DENND4A: variants seen among roughly 807,000 people sequenced by gnomAD.
DENND4A encodes DENN domain containing 4A.
In DENND4A, 70 loss-of-function variants were observed where a neutral mutation model predicts 199.3. The observed-to-expected ratio is 0.35, with a 90% confidence interval of 0.29 to 0.43. The LOEUF (loss-of-function observed/expected upper bound fraction) is 0.43. DENND4A is among the 20% of genes least tolerant of loss of function. The pLI, the probability that DENND4A is intolerant of heterozygous loss-of-function variation, is 1.00. For missense variants in DENND4A, 1,723 were observed against 2,255.8 expected (o/e 0.76, Z 4.78); for synonymous variants, 686 against 766.9 (o/e 0.89, Z 1.74).
Position 65,702,756 on chromosome 15 carries a change from G to T in DENND4A, c.2223+117C>A, listed in dbSNP as rs937204995. ...TGCTCCATCTTCACAGTGCTTTGGT[G>T]AACATAATAATCTAGTAATAGTTAT... On this transcript the variant is annotated intron_variant, in intron 16 of 32. Transcript: ENST00000443035. The T allele has an allele frequency of 3.7e-5, 40 of 1,079,680 alleles. No homozygotes were observed. In the East Asian group the frequency reaches 8.8e-4, roughly 24 times the overall value. 66.9% of individuals were successfully genotyped at this position (1,079,680 alleles called of 1,614,324 possible).
At chr15:65,788,190 C>T (rs1363548746) in intron 1 of DENND4A, among the ~76,000 whole-genome samples, 1 of 152,012 alleles carries the variant, frequency 6.6e-6, no homozygotes, top group African/African-American at 2.4e-5. Context: ...CATTCTCCTG[C>T]CTCAGCCTCC....
At chr15:65,791,637 G>A (rs2077727400) in intron 1 of DENND4A, among the ~76,000 whole-genome samples, 1 of 152,106 alleles carries the variant, frequency 6.6e-6, no homozygotes, top group Admixed American at 6.5e-5. Context: ...TGGGATTCCG[G>A]GAAGCCACCT....
intron 20 of DENND4A, among the ~76,000 whole-genome samples, chr15:65,699,409 ATTTTT>A (rs963031900): frequency 6.6e-6 from 1 of 151,994 alleles, no homozygotes; most frequent in African/African-American, 2.4e-5. Flanking sequence ...TAAATAATTT[ATTTTT>A]AAGTGTGTCA....
At chr15:65,757,275 G>GGGC in intron 2 of DENND4A, among the ~76,000 whole-genome samples, 1 of 116,868 alleles carries the variant, frequency 8.6e-6, no homozygotes, top group Non-Finnish European at 1.8e-5. Context: ...GGGGGGGGGG[G>GGGC]TCTCACTATG....
At chr15:65,695,126 C>G (rs1009356658) in intron 22 of DENND4A, among the ~76,000 whole-genome samples, 1 of 152,138 alleles carries the variant, frequency 6.6e-6, no homozygotes, top group African/African-American at 2.4e-5. Flanking sequence ...CAACAATTAT[C>G]TAACAAAGAA....
chr15:65,758,642 C>G (rs1182530897), intron 2 of DENND4A, among the ~76,000 whole-genome samples: 2 of 152,096 alleles, frequency 1.3e-5, no homozygotes, highest in African/African-American at 4.8e-5. Flanking sequence ...AGAATACATT[C>G]CACAGTACCA....
At chr15:65,674,459 G>C (rs981042449) in intron 24 of DENND4A, among the ~76,000 whole-genome samples, 1 of 152,160 alleles carries the variant, frequency 6.6e-6, no homozygotes, top group Non-Finnish European at 1.5e-5. Context: ...ATTTGTGAAC[G>C]TATTGACATT....
chr15:65,701,656 T>C (rs1411043337), intron 18 of DENND4A, 106 bp downstream of exon 18: 1 of 983,096 alleles, frequency 1.0e-6, no homozygotes, highest in East Asian at 2.6e-5. Context: ...GTATTTTATA[T>C]ACTCTAAAAT....
chr15:65,743,243 T>A (rs2076304697), intron 4 of DENND4A, among the ~76,000 whole-genome samples: 1 of 152,266 alleles, frequency 6.6e-6, no homozygotes, highest in African/African-American at 2.4e-5. Flanking sequence ...GTCCTTACAA[T>A]CACCTAAAGG....
rs112414609 is a variant in DENND4A at position 65,702,596 on chromosome 15, A to G, written c.2224-85T>C. 1,238 of 1,148,512 alleles carry G rather than the reference A, an allele frequency of 1.1e-3. 4 individuals are homozygous for G. The African/African-American group carries it at 0.017, about 16-fold the overall frequency. 71.1% of individuals were successfully genotyped at this position (1,148,512 alleles called of 1,614,324 possible). ...TGAGTGCTAAACAAGTACAAGTCACATGCTTTTATAATGTTTCCATAACAA... is the reference window on the plus strand; with the variant it reads ...TGAGTGCTAAACAAGTACAAGTCACGTGCTTTTATAATGTTTCCATAACAA... On this transcript the variant is annotated intron_variant, in intron 16 of 32. Coordinates refer to ENST00000443035, the MANE Select transcript of DENND4A (RefSeq NM_001320835.1).
In DENND4A at chr15:65,661,768, GAA is replaced by G. The variant is rs1743860693; in HGVS notation, c.*81_*82del. 1.6e-6 allele frequency: 2 copies of G among 1,237,000 alleles called. No individual in the cohort carries two copies. Among genetic ancestry groups the G allele is most frequent in the Non-Finnish European group, 2.2e-6 (2 of 922,190 alleles). The allele number at this position is 1,237,000 out of a possible 1,614,324, so 76.6% of individuals were successfully genotyped here. Reference sequence around the variant, plus strand: ...ACAAATTGTATTTTCAAAAATTGAAGAAAAAATATTTAGAGTCTAAAAGTGTT... The same window carrying G: ...ACAAATTGTATTTTCAAAAATTGAAGAAAATATTTAGAGTCTAAAAGTGTT... On this transcript the variant is annotated 3_prime_UTR_variant, in exon 33 of 33. Coordinates refer to ENST00000443035, the MANE Select transcript of DENND4A (RefSeq NM_001320835.1).
At chr15:65,725,279 A>G (rs1239500642) in intron 11 of DENND4A, among the ~76,000 whole-genome samples, 1 of 152,198 alleles carries the variant, frequency 6.6e-6, no homozygotes, top group African/African-American at 2.4e-5. Flanking sequence ...TTTTGGAGTC[A>G]AACAGTAATG....
chr15:65,774,011 A>G (rs1296390501), intron 1 of DENND4A, among the ~76,000 whole-genome samples: 1 of 152,252 alleles, frequency 6.6e-6, no homozygotes, highest in Non-Finnish European at 1.5e-5. Flanking sequence ...AACTGCCTAC[A>G]CTGGTTTTGC....
intron 19 of DENND4A, among the ~76,000 whole-genome samples, 178 bp downstream of exon 19, chr15:65,700,873 A>C (rs1185525800): frequency 2.0e-5 from 3 of 152,270 alleles, no homozygotes; most frequent in Non-Finnish European, 4.4e-5. Context: ...TCAGAAGTTG[A>C]AACATTTAAA....
At chr15:65,682,443 C>A (rs2076611345) in intron 23 of DENND4A, among the ~76,000 whole-genome samples, 1 of 152,246 alleles carries the variant, frequency 6.6e-6, no homozygotes, top group Non-Finnish European at 1.5e-5. Context: ...GCTTCCTCAG[C>A]TTTCTCAGCC....
rs759511100 is a variant in DENND4A at position 65,671,876 on chromosome 15, C to T, written c.4380G>A (p.Ser1460=). 9 of 1,599,240 alleles carry T rather than the reference C, an allele frequency of 5.6e-6. No homozygotes were observed. The highest frequency in any genetic ancestry group is 2.2e-5 in the East Asian group (1 of 44,784). The change falls in exon 25 of 33, where the codon TCG becomes TCA. Residue 1460 remains serine, a synonymous_variant. Coordinates refer to ENST00000443035, the MANE Select transcript of DENND4A (RefSeq NM_001320835.1). The part of the protein sequence containing the change: ...ESSASLEGSL[S]KFALPGKSEV... ...CTGATTTCCCAGGTAAGGCAAACTT[C>T]GACAGAGATCCTGTTCATTAGTGAA...
chr15:65,669,356 G>A (rs1379312381), intron 27 of DENND4A, among the ~76,000 whole-genome samples: 1 of 152,012 alleles, frequency 6.6e-6, no homozygotes. Flanking sequence ...GTTTAATTTC[G>A]CAGTTCCTAT....
intron 4 of DENND4A, among the ~76,000 whole-genome samples, chr15:65,748,503 C>T (rs538466848): frequency 5.9e-4 from 89 of 151,356 alleles, no homozygotes; most frequent in African/African-American, 2.1e-3. Context: ...CCTGTAGTCT[C>T]AGTTATTTGG....
At chr15:65,774,354 G>A (rs1446013398) in intron 1 of DENND4A, among the ~76,000 whole-genome samples, 1 of 152,246 alleles carries the variant, frequency 6.6e-6, no homozygotes, top group African/African-American at 2.4e-5. Flanking sequence ...GCCAGGTGTG[G>A]TGGCGCATGC....
Sources: gnomAD v4.1 joint callset for allele counts (sites outside exome capture counted in the v4.1 genomes callset) on GRCh38, gnomAD v4.1.1 for gene constraint, MANE v1.5 for transcripts, NCBI Gene and HGNC (gene_info 2026-07-23, HGNC 2026-07-21) for gene names.